The following FOXP1 variants were observed in gnomAD, a reference collection of about 807,000 sequenced individuals.
The protein encoded by FOXP1 is forkhead box P1, also known as forkhead box protein P1.
Under a neutral mutation model 98.2 loss-of-function variants are expected in FOXP1, and 15 were observed. That is an observed-to-expected ratio of 0.15 (90% CI 0.10 to 0.24). FOXP1 has a LOEUF of 0.24. Among genes scored for constraint, FOXP1 ranks in the 10% least tolerant of loss-of-function variants. The pLI is 1.00. For synonymous variants in FOXP1, 371 were observed against 314.5 expected (o/e 1.18, Z -1.90); for missense variants, 633 against 848.5 (o/e 0.75, Z 3.15).
chr3:70,960,335 G>A (rs2033053831), intron 20 of FOXP1, among the ~76,000 whole-genome samples: 1 of 152,304 alleles, frequency 6.6e-6, no homozygotes, highest in East Asian at 1.9e-4. Context: ...CAAAACATGA[G>A]GCCCGGCTGG....
chr3:71,135,214 G>A (rs1339636631), intron 6 of FOXP1, among the ~76,000 whole-genome samples: 10 of 132,636 alleles, frequency 7.5e-5, no homozygotes, highest in Non-Finnish European at 1.4e-4. Flanking sequence ...AGCCAAGATC[G>A]CACCACTGCA....
chr3:71,524,346 T>C (rs982240025), intron 2 of FOXP1, among the ~76,000 whole-genome samples: 2 of 151,884 alleles, frequency 1.3e-5, no homozygotes, highest in African/African-American at 2.4e-5. Flanking sequence ...GTGGGTGCCA[T>C]AGTGAGACTG....
chr3:71,155,909 A>G (rs1242613906), intron 6 of FOXP1, among the ~76,000 whole-genome samples: 4 of 152,226 alleles, frequency 2.6e-5, no homozygotes, highest in African/African-American at 7.2e-5. Flanking sequence ...CATGAAGCCA[A>G]TGGGTGGTTT....
intron 2 of FOXP1, among the ~76,000 whole-genome samples, chr3:71,520,727 A>G (rs2042918099): frequency 6.6e-6 from 1 of 152,256 alleles, no homozygotes; most frequent in Non-Finnish European, 1.5e-5. Flanking sequence ...TTGTGTCTCC[A>G]CTTAGCCTCT....
chr3:71,398,054 T>C (rs375077954), intron 3 of FOXP1, among the ~76,000 whole-genome samples: 134 of 152,304 alleles, frequency 8.8e-4, no homozygotes, highest in East Asian at 5.0e-3. Flanking sequence ...AACCATTTTC[T>C]TTTTTTATCC....
rs140768351 is a variant in FOXP1, at chr3:71,499,370, G to A, written c.-297-5815C>T. On this transcript the variant is annotated intron_variant, in intron 2 of 20. Transcript: ENST00000649528. ...ATGTGTTGCCCACTGGATCTCCCTT[G>A]GTTTGAGAATGCTAAATGGCAATTT... Among the ~76,000 whole-genome samples the A allele has an allele frequency of 1.5e-3, 228 of 152,214 alleles. 1 individual carries two copies. Among genetic ancestry groups the A allele is most frequent in the Middle Eastern group, 0.014 (4 of 294 alleles).
chr3:71,259,050 CAGG>C (rs1316455424), intron 5 of FOXP1, among the ~76,000 whole-genome samples: 1 of 152,160 alleles, frequency 6.6e-6, no homozygotes, highest in Non-Finnish European at 1.5e-5. Flanking sequence ...GAGGCGGAGG[CAGG>C]AGAATTGCTT....
intron 6 of FOXP1, among the ~76,000 whole-genome samples, chr3:71,184,124 C>T (rs2062502483): frequency 6.6e-6 from 1 of 152,126 alleles, no homozygotes; most frequent in African/African-American, 2.4e-5. Context: ...TGCACTCCAG[C>T]CTGGGCAACA....
At chr3:70,959,526 C>G in intron 20 of FOXP1, 135 bp from the exon 21 acceptor site, 3 of 901,804 alleles carry the variant, frequency 3.3e-6, no homozygotes, top group Non-Finnish European at 5.3e-6. Flanking sequence ...CCATTAGCCA[C>G]ACGTGGCTCT....
chr3:71,138,254 C>T (rs1003317037), intron 6 of FOXP1, among the ~76,000 whole-genome samples: 1 of 152,056 alleles, frequency 6.6e-6, no homozygotes, highest in Non-Finnish European at 1.5e-5. Flanking sequence ...TATTTAGGAA[C>T]GTAATGGGAT....
At chr3:71,159,449 T>C (rs1203343808) in intron 6 of FOXP1, among the ~76,000 whole-genome samples, 2 of 152,102 alleles carry the variant, frequency 1.3e-5, no homozygotes, top group East Asian at 1.9e-4. Context: ...ACAGAGGAAA[T>C]TGCCTTAAAT....
At chr3:71,489,002 G>A (rs2090869008) in intron 3 of FOXP1, among the ~76,000 whole-genome samples, 1 of 152,186 alleles carries the variant, frequency 6.6e-6, no homozygotes, top group Admixed American at 6.5e-5. Context: ...CTGGCCCCCT[G>A]ACAGGCTGCA....
At chr3:70,964,335 G>A (rs147059235) in intron 20 of FOXP1, among the ~76,000 whole-genome samples, 1 of 152,106 alleles carries the variant, frequency 6.6e-6, no homozygotes, top group East Asian at 1.9e-4. Context: ...ACTTTCTTTC[G>A]TACAGCAAAA....
chr3:71,349,235 G>A (rs1177136936), intron 4 of FOXP1, among the ~76,000 whole-genome samples: 1 of 152,170 alleles, frequency 6.6e-6, no homozygotes, highest in African/African-American at 2.4e-5. Flanking sequence ...AAGATAATGT[G>A]ATGAATGCCA....
chr3:71,000,657 G>A (rs752370875), intron 13 of FOXP1, among the ~76,000 whole-genome samples: 90 of 151,978 alleles, frequency 5.9e-4, no homozygotes, highest in Non-Finnish European at 1.2e-3. Flanking sequence ...TGAGAAGAGA[G>A]GGAAAGTGAG....
rs2063824756 is a variant in FOXP1 at position 71,203,933 on chromosome 3, G to C, written c.-11-5541C>G. Among the ~76,000 whole-genome samples the C allele has an allele frequency of 3.7e-5, 5 of 134,100 alleles. No homozygotes were observed. In the South Asian group the frequency reaches 1.3e-3, roughly 35 times the overall value. 88.0% of individuals were successfully genotyped at this position (134,100 alleles called of 152,430 possible). A position where few individuals can be genotyped will look rare whatever the true frequency, so the allele number is the denominator to read the frequency against. ...AGAGATAACAGAAGCTCATGGAAAA[G>C]GAAGGAGGAAGGAAGGAAGGAAGGA... is the stretch of plus-strand genomic sequence containing the variant. On this transcript the variant is annotated intron_variant, in intron 5 of 20. Coordinates refer to ENST00000649528, the MANE Select transcript of FOXP1 (RefSeq NM_001349338.3).
At position 71,137,640 on chromosome 3, in the gene FOXP1, C is replaced by T. The variant is rs2059884421; in HGVS notation, c.181-25003G>A. On this transcript the variant is annotated intron_variant, in intron 6 of 20. Coordinates refer to ENST00000649528, the MANE Select transcript of FOXP1 (RefSeq NM_001349338.3). The stretch of plus-strand genomic sequence containing the variant: ...AAGCTCATGCAGCTCCTCCGATGTC[C>T]AATGCCAGCAGTGAAAATCAGCCTA... Among the ~76,000 whole-genome samples, 4 of 152,114 alleles carry T rather than the reference C, an allele frequency of 2.6e-5. No individual in the cohort carries two copies. In the South Asian group the frequency reaches 8.3e-4, roughly 31 times the overall value.
At chr3:71,015,401 T>C (rs973486402) in intron 12 of FOXP1, 148 bp downstream of exon 12, 1 of 621,636 alleles carries the variant, frequency 1.6e-6, no homozygotes, top group Non-Finnish European at 3.0e-6. Context: ...ACTATTCCTA[T>C]GACAGTGCAC....
intron 4 of FOXP1, among the ~76,000 whole-genome samples, chr3:71,313,554 C>A (rs1325614173): frequency 6.6e-6 from 1 of 150,748 alleles, no homozygotes; most frequent in African/African-American, 2.4e-5. Context: ...TTGAGACAGT[C>A]TCGCACTCTC....
Sources: gnomAD v4.1 joint callset for allele counts (sites outside exome capture counted in the v4.1 genomes callset) on GRCh38, gnomAD v4.1.1 for gene constraint, MANE v1.5 for transcripts, NCBI Gene and HGNC (gene_info 2026-07-23, HGNC 2026-07-21) for gene names.